Variants in SIK3 observed in about 807,000 individuals in gnomAD.
The protein encoded by SIK3 is SIK family kinase 3, also known as serine/threonine-protein kinase SIK3.
SIK3 carries 28 observed loss-of-function variants against 144.2 expected under a neutral mutation model. That is an observed-to-expected ratio of 0.19 (90% confidence interval 0.14 to 0.27). The LOEUF is 0.27. SIK3 is among the 10% of genes least tolerant of loss of function. The probability of loss-of-function intolerance (pLI) is 1.00; values close to 1 mark genes in which losing one functional copy is unlikely to be tolerated. For missense variants in SIK3, 1,319 were observed against 1,776.0 expected, an observed-to-expected ratio of 0.74 and a Z score of 4.62; for synonymous variants, 686 against 676.3, an observed-to-expected ratio of 1.01 and a Z score of -0.22.
intron 1 of SIK3, chr11:117,036,128 T>C: frequency 1.9e-6 from 1 of 527,674 alleles, no homozygotes; most frequent in South Asian, 3.3e-5. Flanking sequence ...CTTTGTCACC[T>C]AGGCTTGTCT....
At chr11:116,942,586 G>A (rs1948373330) in intron 3 of SIK3, among the ~76,000 whole-genome samples, 2 of 152,220 alleles carry the variant, frequency 1.3e-5, no homozygotes, top group Admixed American at 6.5e-5. Flanking sequence ...ACAGCATGGT[G>A]AGCAAACACC....
chr11:117,074,974 A>G (rs1249744523), intron 1 of SIK3, among the ~76,000 whole-genome samples: 5 of 152,030 alleles, frequency 3.3e-5, no homozygotes, highest in Non-Finnish European at 5.9e-5. Context: ...AAAAATATAT[A>G]TAATACATCC....
chr11:116,952,091 T>C (rs971005256), intron 3 of SIK3, among the ~76,000 whole-genome samples: 1 of 152,112 alleles, frequency 6.6e-6, no homozygotes, highest in Non-Finnish European at 1.5e-5. Flanking sequence ...CAAATTACCA[T>C]TGTTTCCCCA....
intron 4 of SIK3, among the ~76,000 whole-genome samples, chr11:116,920,936 A>G (rs2135065730): frequency 6.6e-6 from 1 of 152,360 alleles, no homozygotes; most frequent in South Asian, 2.1e-4. Context: ...ATAATGAGTC[A>G]TGACATGCCT....
intron 21 of SIK3, among the ~76,000 whole-genome samples, chr11:116,850,914 C>T (rs1942377183): frequency 6.6e-6 from 1 of 152,178 alleles, no homozygotes. Context: ...GAGGCTGAGG[C>T]AGGGGAATTG....
chr11:116,880,574 A>G (rs1362610555), intron 6 of SIK3, among the ~76,000 whole-genome samples: 1 of 152,246 alleles, frequency 6.6e-6, no homozygotes, highest in East Asian at 1.9e-4. Context: ...AAATGCAGAA[A>G]GCTAGAGTAT....
chr11:116,860,417 T>C (rs1451872601), intron 19 of SIK3, among the ~76,000 whole-genome samples: 1 of 152,140 alleles, frequency 6.6e-6, no homozygotes, highest in Non-Finnish European at 1.5e-5. Flanking sequence ...CGTGGAGTGT[T>C]ACTCAAGAGA....
intron 13 of SIK3, among the ~76,000 whole-genome samples, chr11:116,872,241 A>G (rs1355828389): frequency 1.3e-5 from 2 of 152,230 alleles, no homozygotes; most frequent in East Asian, 3.8e-4. Flanking sequence ...AAGGTTAAAA[A>G]TGTCCACTGA....
At chr11:116,954,352 T>A (rs546189467) in intron 2 of SIK3, among the ~76,000 whole-genome samples, 1 of 152,070 alleles carries the variant, frequency 6.6e-6, no homozygotes, top group African/African-American at 2.4e-5. Flanking sequence ...TTTTTGATGT[T>A]CCATGAGGTC....
rs369066520 is a variant in SIK3, at chr11:117,040,948, CT to C, written c.273+57194del. On this transcript the variant is annotated intron_variant, in intron 1 of 24. Coordinates refer to ENST00000445177, the MANE Select transcript of SIK3 (RefSeq NM_001366686.3). ...CCATCACCTCACAGTTACCTGCCTC[CT>C]TTTTTTTTTTTTTTTTTTAGCAAGG... 7.8e-3 allele frequency among the ~76,000 whole-genome samples: 911 copies of C among 116,790 alleles called. 15 individuals carry two copies. Among genetic ancestry groups the C allele is most frequent in the African/African-American group, 0.025 (755 of 30,216 alleles). The allele number at this position is 116,790 out of a possible 152,430, so 76.6% of individuals were successfully genotyped here.
At chr11:116,926,413 C>T (rs1325916552) in intron 4 of SIK3, among the ~76,000 whole-genome samples, 2 of 152,126 alleles carry the variant, frequency 1.3e-5, no homozygotes, top group South Asian at 4.1e-4. Context: ...GCTCTCAAGG[C>T]ACTGTCAGAT....
intron 1 of SIK3, among the ~76,000 whole-genome samples, chr11:117,024,458 T>C (rs949096817): frequency 3.3e-5 from 5 of 152,146 alleles, no homozygotes; most frequent in African/African-American, 9.7e-5. Flanking sequence ...AAAGACTATC[T>C]TGGAAGATAA....
intron 1 of SIK3, among the ~76,000 whole-genome samples, chr11:117,082,267 T>G (rs1954822027): frequency 6.6e-6 from 1 of 152,162 alleles, no homozygotes; most frequent in Admixed American, 6.5e-5. Context: ...GACCAAGCGA[T>G]TCCACTCCTA....
At position 116,875,900 on chromosome 11, in the gene SIK3, C is replaced by T. The variant is rs777087992; in HGVS notation, c.1205G>A (p.Arg402Gln). The change falls in exon 9 of 25, where the codon CGA becomes CAA. Residue 402 changes from arginine to glutamine, a missense_variant. Coordinates refer to ENST00000445177, the MANE Select transcript of SIK3 (RefSeq NM_001366686.3). ...GACTGGTGCTTGAAAGGCCAGGGCT[C>T]GGGGCATGCTAGGAAGTGCTCCGAG... is the stretch of plus-strand genomic sequence containing the variant. ...LRLGALPSMP[R>Q]ALAFQAPVNI... is the part of the protein sequence containing the mutation. The T allele has an allele frequency of 6.8e-6, 11 of 1,610,168 alleles. No individual in the cohort carries two copies. The highest frequency in any genetic ancestry group is 4.5e-5 in the East Asian group (2 of 44,840).
intron 1 of SIK3, among the ~76,000 whole-genome samples, chr11:117,008,960 T>A (rs7931398): frequency 6.6e-6 from 1 of 151,826 alleles, no homozygotes; most frequent in African/African-American, 2.4e-5. Flanking sequence ...TGTAGCCAGG[T>A]GCGGTGGCTC....
At chr11:116,850,811 C>A (rs987852334) in intron 21 of SIK3, among the ~76,000 whole-genome samples, 1 of 152,148 alleles carries the variant, frequency 6.6e-6, no homozygotes, top group Non-Finnish European at 1.5e-5. Flanking sequence ...GAGTTTGAGA[C>A]CAGCCTGGCC....
At chr11:116,894,444 G>A (rs1160326158) in intron 6 of SIK3, among the ~76,000 whole-genome samples, 1 of 152,156 alleles carries the variant, frequency 6.6e-6, no homozygotes, top group Non-Finnish European at 1.5e-5. Context: ...TCTCCAAAAT[G>A]TAAGTATTCT....
chr11:117,022,944 C>T (rs1951838001), intron 1 of SIK3, among the ~76,000 whole-genome samples: 1 of 151,848 alleles, frequency 6.6e-6, no homozygotes, highest in South Asian at 2.1e-4. Flanking sequence ...AAAGTGAATA[C>T]ATAACTGGAT....
chr11:117,029,295 G>C (rs1476559361), intron 1 of SIK3, among the ~76,000 whole-genome samples: 1 of 151,794 alleles, frequency 6.6e-6, no homozygotes, highest in Non-Finnish European at 1.5e-5. Context: ...TGAAACCCTG[G>C]ATCTACAAAA....
Sources: allele counts gnomAD v4.1 joint callset (sites outside exome capture counted in the v4.1 genomes callset), GRCh38; gene constraint gnomAD v4.1.1; transcripts MANE v1.5; gene names NCBI Gene and HGNC (gene_info 2026-07-23, HGNC 2026-07-21).